MICALL1: variants seen among roughly 807,000 people sequenced by gnomAD.
MICALL1 encodes the protein MICAL like 1, also known as MICAL-like protein 1.
A neutral mutation model predicts 83.7 loss-of-function variants in MICALL1; 61 were observed. The observed-to-expected ratio is 0.73, with a 90% CI of 0.59 to 0.90. MICALL1 has a LOEUF of 0.90. MICALL1 is among the 40% of genes least tolerant of loss of function. MICALL1 has a pLI of 0.00. For synonymous variants in MICALL1, 481 were observed against 473.6 expected, an observed-to-expected ratio of 1.02 and a Z score of -0.20; for missense variants, 1,066 against 1,152.0, an observed-to-expected ratio of 0.93 and a Z score of 1.08.
At chr22:37,937,331 CA>C in intron 14 of MICALL1, 137 bp downstream of exon 14, 1 of 677,834 alleles carries the variant, frequency 1.5e-6, no homozygotes, top group Non-Finnish European at 2.4e-6. Flanking sequence ...GCCCTCCTAC[CA>C]GCGATCCCAG....
chr22:37,921,912 G>A, intron 5 of MICALL1, 60 bp from the exon 6 acceptor site: 2 of 1,477,326 alleles, frequency 1.4e-6, no homozygotes, highest in African/African-American at 1.4e-5. Context: ...GGCTGGAGGG[G>A]TAGCCAGTGC....
Position 37,937,064 on chromosome 22 carries a change from T to G in MICALL1, c.2309-16T>G. On this transcript the variant is annotated splice_polypyrimidine_tract_variant and intron_variant, in intron 13 of 15. Transcript: ENST00000215957. ...TTTCCTACCACTCATGCCCCCTAAC[T>G]TTTCTCCCTGGGCAGAAAAGGACTG... is the stretch of plus-strand genomic sequence containing the variant. 6.4e-7 allele frequency: 1 copy of G among 1,550,574 alleles called. No homozygotes were observed. The highest frequency in any genetic ancestry group is 8.7e-7 in the Non-Finnish European group (1 of 1,146,268).
chr22:37,928,089 G>T (rs1929583386), intron 9 of MICALL1, among the ~76,000 whole-genome samples: 1 of 152,070 alleles, frequency 6.6e-6, no homozygotes, highest in Admixed American at 6.5e-5. Context: ...TGTATTTTTA[G>T]TAGAGTGGGG....
At position 37,919,109 on chromosome 22, in the gene MICALL1, G is replaced by T. The variant is rs944059640; in HGVS notation, c.500G>T (p.Cys167Phe). 3 of 1,551,790 alleles carry T rather than the reference G, an allele frequency of 1.9e-6. No homozygotes were observed. Among genetic ancestry groups the T allele is most frequent in the South Asian group, 1.2e-5 (1 of 84,160 alleles). ...GQTPSSTCAA[C>F]QQHVHLVQRY... ...ACCCCCAGCAGCACGTGCGCAGCCTGCCAGCAGCATGTGCACTTGGTGCAG... is the reference window on the plus strand; with the variant it reads ...ACCCCCAGCAGCACGTGCGCAGCCTTCCAGCAGCATGTGCACTTGGTGCAG... The change falls in exon 5 of 16, where the codon TGC becomes TTC. Residue 167 changes from cysteine to phenylalanine, a missense_variant. Physicochemically the swap from Cys to Phe is radical, Grantham distance 205. Transcript: ENST00000215957.
At chr22:37,920,535 C>G (rs571153088) in intron 5 of MICALL1, among the ~76,000 whole-genome samples, 1 of 151,376 alleles carries the variant, frequency 6.6e-6, no homozygotes, top group South Asian at 2.1e-4. Flanking sequence ...CCAGCACTTT[C>G]GGAGGCTGAG....
rs940836264 is a variant in MICALL1 at position 37,941,462 on chromosome 22, C to T, written c.*632C>T. 6.6e-6 allele frequency: 1 copy of T among 152,576 alleles called. No homozygotes were observed. Among genetic ancestry groups the T allele is most frequent in the Non-Finnish European group, 1.5e-5 (1 of 68,338 alleles). The allele number at this position is 152,576 out of a possible 1,614,324, so 9.5% of individuals were successfully genotyped here. A position where few individuals can be genotyped will look rare whatever the true frequency, so the allele number is the denominator to read the frequency against. On this transcript the variant is annotated 3_prime_UTR_variant, in exon 16 of 16. Coordinates refer to ENST00000215957, the MANE Select transcript of MICALL1 (RefSeq NM_033386.4). ...TCCCTCACAGTTCCAGGAGCGGCTT[C>T]CCTCGTCTCCCCTTACTCCACAGGG...
chr22:37,907,772 G>C (rs1427957677), intron 1 of MICALL1, among the ~76,000 whole-genome samples: 1 of 152,218 alleles, frequency 6.6e-6, no homozygotes, highest in African/African-American at 2.4e-5. Flanking sequence ...GGAGGAGAGG[G>C]TTTTGGGGCT....
chr22:37,908,177 C>T (rs989810314), intron 1 of MICALL1, among the ~76,000 whole-genome samples: 3 of 152,012 alleles, frequency 2.0e-5, no homozygotes, highest in Admixed American at 1.3e-4. Flanking sequence ...GCATCAGTGT[C>T]CTCATCTGTG....
At chr22:37,933,735 T>C (rs969322116) in intron 13 of MICALL1, among the ~76,000 whole-genome samples, 1 of 151,954 alleles carries the variant, frequency 6.6e-6, no homozygotes, top group African/African-American at 2.4e-5. Context: ...GATTCCAGAG[T>C]TGGGAGCCAA....
intron 7 of MICALL1, among the ~76,000 whole-genome samples, chr22:37,925,385 AGG>A (rs1929354161): frequency 6.6e-6 from 1 of 152,136 alleles, no homozygotes; most frequent in Admixed American, 6.5e-5. Context: ...TGACTTTCCC[AGG>A]GTACATGGAT....
At chr22:37,909,719 C>G (rs948421294) in intron 1 of MICALL1, among the ~76,000 whole-genome samples, 1 of 152,232 alleles carries the variant, frequency 6.6e-6, no homozygotes, top group East Asian at 1.9e-4. Context: ...GGGAGGGTGG[C>G]TCCGCTTCTG....
chr22:37,906,320 C>T lies in MICALL1; in HGVS notation c.-103C>T, dbSNP rs1160423748. The T allele has an allele frequency of 3.4e-6, 3 of 877,006 alleles. No homozygotes were observed. The Admixed American group carries it at 1.9e-4, about 55-fold the overall frequency. 54.3% of individuals were successfully genotyped at this position (877,006 alleles called of 1,614,324 possible). ...TCGCCTGCCGGTCGGCGCCCGAGCT[C>T]GGAGCCGCAGCCGCAGCCGGAAACC... On this transcript the variant is annotated 5_prime_UTR_variant, in exon 1 of 16. Transcript: ENST00000215957. The surrounding 1 kb of genome is among the most constrained non-coding windows in gnomAD (Gnocchi z 4.4).
In MICALL1 at chr22:37,919,092, C is replaced by T; in HGVS notation, c.483C>T (p.Ser161=). ...AGCAGGGCACCGGCCAGACCCCCAG[C>T]AGCACGTGCGCAGCCTGCCAGCAGC... The part of the protein sequence containing the change: ...LSEQGTGQTP[S]STCAACQQHV... Residue 161 remains serine, a synonymous_variant, in exon 5 of 16, where the codon AGC becomes AGT. Coordinates refer to ENST00000215957, the MANE Select transcript of MICALL1 (RefSeq NM_033386.4). The T allele has an allele frequency of 6.4e-7, 1 of 1,552,186 alleles. No individual in the cohort carries two copies.
At chr22:37,922,601 ATTTTTTTTT>A (rs1198282750) in intron 6 of MICALL1, among the ~76,000 whole-genome samples, 175 bp downstream of exon 6, 2 of 31,936 alleles carry the variant, frequency 6.3e-5, no homozygotes, top group Non-Finnish European at 1.3e-4. Context: ...ATATATATAT[ATTTTTTTTT>A]TTTTTTTTTT....
chr22:37,933,103 A>G lies in MICALL1; in HGVS notation c.2299A>G (p.Asn767Asp), dbSNP rs375311375. 2 of 1,613,640 alleles carry G rather than the reference A, an allele frequency of 1.2e-6. No homozygotes were observed. The highest frequency in any genetic ancestry group is 2.7e-5 in the African/African-American group (2 of 74,858). ...DVEYELRCLL[N>D]KPEKDWTEED... is the part of the protein sequence containing the mutation. Reference sequence around the variant, plus strand: ...CGAGTATGAGCTCCGGTGCCTCCTCAATAAGCCAGGTGAGTGCAGCCACTG... The same window carrying G: ...CGAGTATGAGCTCCGGTGCCTCCTCGATAAGCCAGGTGAGTGCAGCCACTG... Residue 767 changes from asparagine to aspartate, a missense_variant, in exon 13 of 16, where the codon AAT becomes GAT. By Grantham distance (23) the Asn-to-Asp change is conservative. Transcript: ENST00000215957.
At chr22:37,936,033 A>G (rs542976613) in intron 13 of MICALL1, among the ~76,000 whole-genome samples, 3 of 152,042 alleles carry the variant, frequency 2.0e-5, no homozygotes, top group African/African-American at 7.2e-5. Flanking sequence ...CCGGCCTAGG[A>G]TATTTATTTG....
chr22:37,919,449 A>G (rs1569139229), intron 5 of MICALL1, among the ~76,000 whole-genome samples: 1 of 152,160 alleles, frequency 6.6e-6, no homozygotes, highest in African/African-American at 2.4e-5. Flanking sequence ...ATGAAGGAGC[A>G]CTTTAAAAGC....
At position 37,924,555 on chromosome 22, in the gene MICALL1, G is replaced by A; in HGVS notation, c.1025-105G>A. ...GCCTGGGGAGGTGCGAGGGTGCCAGGAGGAAGGCGGGGCGCTCCTGGGGAG... is the reference window on the plus strand; with the variant it reads ...GCCTGGGGAGGTGCGAGGGTGCCAGAAGGAAGGCGGGGCGCTCCTGGGGAG... On this transcript the variant is annotated intron_variant, in intron 6 of 15. Transcript: ENST00000215957. This position sits in a 1 kb window ranked among gnomAD's most constrained non-coding sequence, Gnocchi z 5.2. 1 of 1,114,844 alleles carries A rather than the reference G, an allele frequency of 9.0e-7. No individual in the cohort carries two copies. Among genetic ancestry groups the A allele is most frequent in the Non-Finnish European group, 1.3e-6 (1 of 762,578 alleles). The allele number at this position is 1,114,844 out of a possible 1,614,324, so 69.1% of individuals were successfully genotyped here.
chr22:37,919,995 A>T (rs1247841471), intron 5 of MICALL1, among the ~76,000 whole-genome samples: 1 of 152,018 alleles, frequency 6.6e-6, no homozygotes, highest in Non-Finnish European at 1.5e-5. Flanking sequence ...TCAAAAAAAA[A>T]ATCTTTTTTT....
Sources: gnomAD v4.1 joint callset for allele counts (sites outside exome capture counted in the v4.1 genomes callset) on GRCh38, gnomAD v4.1.1 for gene constraint, Gnocchi (gnomAD v3.1) non-coding constraint, MANE v1.5 for transcripts, NCBI Gene and HGNC (gene_info 2026-07-23, HGNC 2026-07-21) for gene names.